The following RNF19A variants were observed in gnomAD, a reference collection of about 807,000 sequenced individuals.
RNF19A encodes E3 ubiquitin-protein ligase RNF19A.
RNF19A carries 32 observed loss-of-function variants against 75.7 expected under a neutral mutation model. The observed-to-expected ratio is 0.42, with a 90% CI of 0.32 to 0.57. The LOEUF is 0.57. Ranked by LOEUF, RNF19A falls within the 20% of genes least tolerant of loss-of-function variation. The pLI is 0.10. For missense variants in RNF19A, 782 were observed against 1,036.3 expected, an observed-to-expected ratio of 0.75 and a Z score of 3.37; for synonymous variants, 335 against 345.2, an observed-to-expected ratio of 0.97 and a Z score of 0.33.
At chr8:100,334,589 G>A (rs79964347) in intron 1 of RNF19A, among the ~76,000 whole-genome samples, 140 of 152,272 alleles carry the variant, frequency 9.2e-4, no homozygotes, top group African/African-American at 3.3e-3. Context: ...TCCCTTTCTT[G>A]TGCCCCACCT....
chr8:100,279,147 TATA>T (rs1317644033), intron 2 of RNF19A, among the ~76,000 whole-genome samples: 1 of 152,196 alleles, frequency 6.6e-6, no homozygotes, highest in Non-Finnish European at 1.5e-5. Flanking sequence ...TTATACCAAA[TATA>T]ATGTTCCTCC....
Position 100,275,975 on chromosome 8 carries a change from G to GC in RNF19A, c.675-815_675-814insG, listed in dbSNP as rs1401571871. The stretch of plus-strand genomic sequence containing the variant: ...TCCTGCCAAAAAATAAAAAAAAACT[G>GC]TTTTTTTTTCCTTCGGATTAAAGAC... On this transcript the variant is annotated intron_variant, in intron 2 of 9. Coordinates refer to ENST00000341084, the MANE Select transcript of RNF19A (RefSeq NM_183419.4). The surrounding 1 kb of genome is among the most constrained non-coding windows in gnomAD (Gnocchi z 4.3). Among the ~76,000 whole-genome samples, 1 of 149,820 alleles carries GC rather than the reference G, an allele frequency of 6.7e-6. No homozygotes were observed. Among genetic ancestry groups the GC allele is most frequent in the Non-Finnish European group, 1.5e-5 (1 of 67,314 alleles).
chr8:100,292,099 T>A (rs1821325180), intron 1 of RNF19A, among the ~76,000 whole-genome samples: 1 of 149,316 alleles, frequency 6.7e-6, no homozygotes, highest in Non-Finnish European at 1.5e-5. Context: ...AAACTGTCAA[T>A]AAAGAAGACA....
chr8:100,315,014 G>A (rs547809251), intron 1 of RNF19A, among the ~76,000 whole-genome samples: 11 of 152,266 alleles, frequency 7.2e-5, no homozygotes, highest in Non-Finnish European at 1.2e-4. Flanking sequence ...AACTGACATC[G>A]AGAAAATCAC....
intron 5 of RNF19A, among the ~76,000 whole-genome samples, chr8:100,267,769 C>T (rs1359208420): frequency 6.6e-6 from 1 of 151,810 alleles, no homozygotes; most frequent in East Asian, 1.9e-4. Context: ...CTCCACCTCC[C>T]AGGTTCAAGT....
At chr8:100,313,280 A>T (rs185333237), upstream of RNF19A, 3 of 974,124 alleles carry the variant, frequency 3.1e-6, no homozygotes, top group Admixed American at 1.8e-4. Flanking sequence ...ATGAAAAGGA[A>T]ATACACTTAC....
Position 100,258,517 on chromosome 8 carries a change from C to A in RNF19A, c.*39G>T, listed in dbSNP as rs145481850. 42 of 1,509,200 alleles carry A rather than the reference C, an allele frequency of 2.8e-5. No homozygotes were observed. Among genetic ancestry groups the A allele is most frequent in the Non-Finnish European group, 2.4e-5 (27 of 1,109,996 alleles). 93.5% of individuals were successfully genotyped at this position (1,509,200 alleles called of 1,614,324 possible). A position where few individuals can be genotyped will look rare whatever the true frequency, so the allele number is the denominator to read the frequency against. ...CATGTAGTTCAACCAGCTCCAAACA[C>A]GGTTGTACAGTGGTAATTATTCTGC... On this transcript the variant is annotated 3_prime_UTR_variant, in exon 10 of 10. Transcript: ENST00000341084. The surrounding 1 kb of genome is among the most constrained non-coding windows in gnomAD (Gnocchi z 4.3).
Position 100,329,902 on chromosome 8 carries a change from T to G in RNF19A, c.-243+6206A>C, listed in dbSNP as rs1822587614. Among the ~76,000 whole-genome samples the G allele has an allele frequency of 6.6e-6, 1 of 152,194 alleles. No homozygotes were observed. The highest frequency in any genetic ancestry group is 2.1e-4 in the South Asian group (1 of 4,832). On this transcript the variant is annotated intron_variant, in intron 1 of 3. Coordinates refer to the RNF19A transcript ENST00000519527. The surrounding 1 kb of genome is among the most constrained non-coding windows in gnomAD (Gnocchi z 4.3). ...ATATTTTCTCATGTATCCCATACAT[T>G]TGCACAAATGAAAAATTTAAATACT...
intron 5 of RNF19A, among the ~76,000 whole-genome samples, chr8:100,268,125 T>C (rs1282835938): frequency 6.6e-6 from 1 of 152,024 alleles, no homozygotes; most frequent in Non-Finnish European, 1.5e-5. Context: ...CTTTTAGCTA[T>C]ATTCTACTGA....
intron 1 of RNF19A, among the ~76,000 whole-genome samples, chr8:100,306,744 G>C (rs1041705301): frequency 6.6e-6 from 1 of 152,152 alleles, no homozygotes; most frequent in African/African-American, 2.4e-5. Context: ...TTATCCCTTA[G>C]TCTTTAGCTG....
In RNF19A at chr8:100,287,126, T is replaced by C. The variant is rs552521110; in HGVS notation, c.674+375A>G. Among the ~76,000 whole-genome samples, 3 of 152,086 alleles carry C rather than the reference T, an allele frequency of 2.0e-5. No individual in the cohort carries two copies. In the East Asian group the frequency reaches 5.8e-4, roughly 29 times the overall value. ...ACAAAGAGAAAAAAAATAAAGAAGG[T>C]CATTTGAATTTATGACCACAAATAA... On this transcript the variant is annotated intron_variant, in intron 2 of 9. Coordinates refer to ENST00000341084, the MANE Select transcript of RNF19A (RefSeq NM_183419.4). The surrounding 1 kb of genome is among the most constrained non-coding windows in gnomAD (Gnocchi z 4.1).
In RNF19A at chr8:100,258,491, A is replaced by C. The variant is rs1188782668; in HGVS notation, c.*65T>G. The C allele has an allele frequency of 1.5e-6, 2 of 1,312,094 alleles. No homozygotes were observed. Among genetic ancestry groups the C allele is most frequent in the Non-Finnish European group, 2.1e-6 (2 of 945,348 alleles). 81.3% of individuals were successfully genotyped at this position (1,312,094 alleles called of 1,614,324 possible). On this transcript the variant is annotated 3_prime_UTR_variant, in exon 10 of 10. Coordinates refer to ENST00000341084, the MANE Select transcript of RNF19A (RefSeq NM_183419.4). The surrounding 1 kb of genome is among the most constrained non-coding windows in gnomAD (Gnocchi z 4.3). ...CTGGTAACCTGAAACTTAAGTAGTCACATGTAGTTCAACCAGCTCCAAACA... is the reference window on the plus strand; with the variant it reads ...CTGGTAACCTGAAACTTAAGTAGTCCCATGTAGTTCAACCAGCTCCAAACA...
chr8:100,287,597 C>T lies in RNF19A; in HGVS notation c.578G>A (p.Ser193Asn). The change falls in exon 2 of 10, where the codon AGT (serine) becomes AAT (asparagine). Residue 193 changes from serine to asparagine, a missense_variant. Coordinates refer to ENST00000341084, the MANE Select transcript of RNF19A (RefSeq NM_183419.4). This position sits in a 1 kb window ranked among gnomAD's most constrained non-coding sequence, Gnocchi z 4.1. ...FNPHDIRLIL[S>N]DDVLMEKYEE... is the part of the protein sequence containing the mutation. ...GTATTTTTCCATCAAGACATCATCACTTAATATCAAGCGAATATCATGGGG... is the reference window on the plus strand; with the variant it reads ...GTATTTTTCCATCAAGACATCATCATTTAATATCAAGCGAATATCATGGGG... The T allele has an allele frequency of 6.2e-7, 1 of 1,614,172 alleles. No individual in the cohort carries two copies. The highest frequency in any genetic ancestry group is 8.5e-7 in the Non-Finnish European group (1 of 1,180,000).
At position 100,260,592 on chromosome 8, in the gene RNF19A, G is replaced by A. The variant is rs964222502; in HGVS notation, c.1683-595C>T. Among the ~76,000 whole-genome samples, 3 of 152,040 alleles carry A rather than the reference G, an allele frequency of 2.0e-5. No individual in the cohort carries two copies. The highest frequency in any genetic ancestry group is 7.2e-5 in the African/African-American group (3 of 41,392). On this transcript the variant is annotated intron_variant, in intron 8 of 9. Coordinates refer to ENST00000341084, the MANE Select transcript of RNF19A (RefSeq NM_183419.4). The surrounding 1 kb of genome is among the most constrained non-coding windows in gnomAD (Gnocchi z 4.1). ...ACCAACATTTGCCTTTTTAAAAAGA[G>A]GTAGTATATACCACTATAACTTAAG...
intron 2 of RNF19A, among the ~76,000 whole-genome samples, chr8:100,279,995 A>G (rs1820708246): frequency 3.3e-5 from 5 of 152,170 alleles, no homozygotes; most frequent in South Asian, 4.2e-4. Context: ...CATAACTTCA[A>G]TCTCTTAAGA....
rs1437475886 is a variant in RNF19A, at chr8:100,275,243, T to C, written c.675-82A>G. The stretch of plus-strand genomic sequence containing the variant: ...TCAAAAAGTATCCAACTAAAGATTA[T>C]TCCTGAAAAACATTTTCTATTTATA... On this transcript the variant is annotated intron_variant, in intron 2 of 9. Transcript: ENST00000341084. The surrounding 1 kb of genome is among the most constrained non-coding windows in gnomAD (Gnocchi z 4.3). 1.7e-6 allele frequency: 2 copies of C among 1,210,634 alleles called. No homozygotes were observed. Among genetic ancestry groups the C allele is most frequent in the African/African-American group, 3.0e-5 (2 of 66,458 alleles). The allele number at this position is 1,210,634 out of a possible 1,614,324, so 75.0% of individuals were successfully genotyped here.
At chr8:100,312,722 G>C (rs1822319467), upstream of RNF19A, among the ~76,000 whole-genome samples, 1 of 151,986 alleles carries the variant, frequency 6.6e-6, no homozygotes, top group Non-Finnish European at 1.5e-5. Flanking sequence ...CCAGGAGTTT[G>C]ATACCAGCCG....
chr8:100,308,351 TTTA>T lies in RNF19A; in HGVS notation c.-94+1513_-94+1515del, dbSNP rs575568885. Among the ~76,000 whole-genome samples the T allele has an allele frequency of 2.6e-4, 39 of 152,332 alleles. No individual in the cohort carries two copies. The East Asian group carries it at 6.9e-3, about 27-fold the overall frequency. ...AAAGTGTTTTTTTAGCATAATTTGG[TTTA>T]TTAAGTCCCAAGACTTAATTCTAAA... On this transcript the variant is annotated intron_variant, in intron 1 of 9. Transcript: ENST00000341084.
chr8:100,319,617 G>A (rs920591359), intron 1 of RNF19A, among the ~76,000 whole-genome samples: 2 of 141,086 alleles, frequency 1.4e-5, no homozygotes, highest in African/African-American at 2.6e-5. Flanking sequence ...GCAACCTCCC[G>A]CTCCCAGGTT....
Sources: gnomAD v4.1 joint callset for allele counts (sites outside exome capture counted in the v4.1 genomes callset) on GRCh38, gnomAD v4.1.1 for gene constraint, Gnocchi (gnomAD v3.1) non-coding constraint, MANE v1.5 for transcripts, NCBI Gene and HGNC (gene_info 2026-07-23, HGNC 2026-07-21) for gene names.